Variants in PPP2R3B observed in about 807,000 individuals in gnomAD.
The protein encoded by PPP2R3B is serine/threonine-protein phosphatase 2A regulatory subunit B'' subunit beta.
Under a neutral mutation model 72.9 loss-of-function variants are expected in PPP2R3B, and 68 were observed. The ratio of observed to expected loss-of-function variants is 0.93; its 90% CI spans 0.77 to 1.14. The LOEUF (loss-of-function observed/expected upper bound fraction) is 1.14, where lower values mean the gene tolerates loss of function less well. Among genes scored for constraint, PPP2R3B ranks in the 50% most tolerant of loss-of-function variants. The pLI is 0.00. For missense variants in PPP2R3B, 1,018 were observed against 842.0 expected (o/e 1.21, Z -2.59); for synonymous variants, 466 against 375.8 (o/e 1.24, Z -2.78).
chrX:337,860 G>T lies in PPP2R3B; in HGVS notation c.1577+744C>A, dbSNP rs2738384. On this transcript the variant is annotated intron_variant, in intron 12 of 12. Coordinates refer to ENST00000390665, the MANE Select transcript of PPP2R3B (RefSeq NM_013239.5). ...GACAGTCGGACACCCGGACACCCAC[G>T]TACCACAAGGGGAACCTCAATCCGA... 14 of 152,888 alleles carry T rather than the reference G, an allele frequency of 9.2e-5. 1 individual carries two copies. Among genetic ancestry groups the T allele is most frequent in the African/African-American group, 2.9e-4 (12 of 41,524 alleles). 9.5% of individuals were successfully genotyped at this position (152,888 alleles called of 1,614,324 possible). A position where few individuals can be genotyped will look rare whatever the true frequency, so the allele number is the denominator to read the frequency against.
intron 1 of PPP2R3B, among the ~76,000 whole-genome samples, chrX:378,546 T>G (rs1209019618): frequency 6.6e-6 from 1 of 152,200 alleles, no homozygotes; most frequent in Non-Finnish European, 1.5e-5. Context: ...CCCAGAATCC[T>G]GTCCTCACCC....
At chrX:352,533 G>A (rs1234038182) in intron 2 of PPP2R3B, among the ~76,000 whole-genome samples, 1 of 151,168 alleles carries the variant, frequency 6.6e-6, no homozygotes, top group South Asian at 2.1e-4. Context: ...TGTGTGGATC[G>A]TCTGCCCACC....
intron 1 of PPP2R3B, among the ~76,000 whole-genome samples, chrX:375,035 C>A (rs949069458): frequency 2.0e-5 from 3 of 152,148 alleles, no homozygotes; most frequent in Admixed American, 2.0e-4. Context: ...ACCTTCCACA[C>A]CACCTCTGAC....
intron 1 of PPP2R3B, among the ~76,000 whole-genome samples, chrX:364,393 G>T (rs2071639850): frequency 6.6e-6 from 1 of 151,640 alleles, no homozygotes; most frequent in Non-Finnish European, 1.5e-5. Flanking sequence ...CCTCAAACCG[G>T]CCGGGCTCGT....
intron 1 of PPP2R3B, among the ~76,000 whole-genome samples, chrX:378,543 T>G (rs1603135863): frequency 6.6e-6 from 1 of 152,254 alleles, no homozygotes; most frequent in Middle Eastern, 3.4e-3. Context: ...TGGCCCAGAA[T>G]CCTGTCCTCA....
intron 2 of PPP2R3B, among the ~76,000 whole-genome samples, chrX:353,095 C>T (rs941893459): frequency 3.9e-5 from 6 of 152,024 alleles, no homozygotes; most frequent in African/African-American, 9.6e-5. Context: ...TGGCAGTGGC[C>T]GGGTGCGGTG....
intron 7 of PPP2R3B, chrX:345,081 A>C: frequency 4.5e-6 from 2 of 446,256 alleles, no homozygotes; most frequent in Non-Finnish European, 8.9e-6. Flanking sequence ...CCGCGGAGGT[A>C]TATGAACGAC....
rs1246736571 is a variant in PPP2R3B at position 357,505 on chromosome X, G to C, written c.510+3900C>G. ...GCTTTACTGAAAGAGATATACGTTA[G>C]TGTGTAGCATGACGGATCAAGAAAG... is the stretch of plus-strand genomic sequence containing the variant. On this transcript the variant is annotated intron_variant, in intron 2 of 12. Transcript: ENST00000390665. 3.4e-4 allele frequency among the ~76,000 whole-genome samples: 52 copies of C among 152,336 alleles called. 1 individual carries two copies. Among genetic ancestry groups the C allele is most frequent in the Non-Finnish European group, 6.0e-4 (41 of 68,032 alleles).
chrX:358,915 C>A (rs987207202), intron 2 of PPP2R3B, among the ~76,000 whole-genome samples: 1 of 140,248 alleles, frequency 7.1e-6, no homozygotes, highest in Non-Finnish European at 1.6e-5. Context: ...TGGGGACGGG[C>A]GCCCTGGCGG....
At chrX:371,259 C>T (rs1202760577) in intron 1 of PPP2R3B, among the ~76,000 whole-genome samples, 3 of 152,012 alleles carry the variant, frequency 2.0e-5, no homozygotes, top group African/African-American at 2.4e-5. Flanking sequence ...CATCGTCACA[C>T]GGGAGCCTCC....
chrX:347,711 G>A lies in PPP2R3B; in HGVS notation c.511-18C>T. On this transcript the variant is annotated intron_variant, in intron 2 of 12. Coordinates refer to ENST00000390665, the MANE Select transcript of PPP2R3B (RefSeq NM_013239.5). ...CCGCAGGCCTGGGGCAGAGAGGGCA[G>A]GAGTGGGCAGTCAGCAGGGCCTGGA... is the stretch of plus-strand genomic sequence containing the variant. 3 of 1,507,060 alleles carry A rather than the reference G, an allele frequency of 2.0e-6. No homozygotes were observed. In the South Asian group the frequency reaches 3.8e-5, roughly 19 times the overall value. 93.4% of individuals were successfully genotyped at this position (1,507,060 alleles called of 1,614,324 possible). A position where few individuals can be genotyped will look rare whatever the true frequency, so the allele number is the denominator to read the frequency against.
At chrX:371,299 C>T (rs1179207412) in intron 1 of PPP2R3B, among the ~76,000 whole-genome samples, 7 of 152,176 alleles carry the variant, frequency 4.6e-5, no homozygotes, top group Non-Finnish European at 8.8e-5. Context: ...ACGTGTAACA[C>T]GCCATCGTCA....
chrX:336,767 A>G (rs6603203), intron 12 of PPP2R3B: 55,860 of 151,868 alleles, frequency 0.37, 11,274 homozygotes, highest in African/African-American at 0.54. Context: ...CACCGCTGAC[A>G]ACAGGAAAAC....
intron 1 of PPP2R3B, among the ~76,000 whole-genome samples, chrX:384,981 T>TCAAAAAAA (rs2072212305): frequency 2.2e-5 from 1 of 45,062 alleles, no homozygotes; most frequent in Non-Finnish European, 3.9e-5. Flanking sequence ...AGAATCTGTC[T>TCAAAAAAA]CAAAAAAAAA....
At chrX:356,251 A>G (rs895625775) in intron 2 of PPP2R3B, among the ~76,000 whole-genome samples, 1 of 152,148 alleles carries the variant, frequency 6.6e-6, no homozygotes, top group East Asian at 1.9e-4. Flanking sequence ...AGTCTTGCTC[A>G]GTCGCCCAGG....
intron 10 of PPP2R3B, among the ~76,000 whole-genome samples, chrX:339,273 G>GGGC (rs1556105579): frequency 1.0e-4 from 1 of 9,596 alleles, no homozygotes; most frequent in Non-Finnish European, 2.9e-4. Flanking sequence ...CCCCATGGCC[G>GGGC]GGGGGGGCAG....
Position 341,601 on chromosome X carries a change from A to AGGAGTGCACCTTT in PPP2R3B, c.1086-206_1086-205insAAAGGTGCACTCC, listed in dbSNP as rs2071078902. 4.5e-6 allele frequency: 3 copies of AGGAGTGCACCTTT among 660,068 alleles called. No individual in the cohort carries two copies. The South Asian group carries it at 5.5e-5, about 12-fold the overall frequency. The allele number at this position is 660,068 out of a possible 1,614,324, so 40.9% of individuals were successfully genotyped here. A position where few individuals can be genotyped will look rare whatever the true frequency, so the allele number is the denominator to read the frequency against. On this transcript the variant is annotated intron_variant, in intron 8 of 12. Transcript: ENST00000390665. ...GTTTTCCCCAGATCCAGGCAGGGTC[A>AGGAGTGCACCTTT]GGAGTGCACCTTCGTTACTGCTCAC...
chrX:345,690 C>G lies in PPP2R3B; in HGVS notation c.880-18G>C, dbSNP rs750870898. The stretch of plus-strand genomic sequence containing the variant: ...GCCACATTCTGCCAAAGGACCCAGG[C>G]GGCCTGAGCGCGGGGCCTCTGCGGG... On this transcript the variant is annotated intron_variant, in intron 6 of 12. Coordinates refer to ENST00000390665, the MANE Select transcript of PPP2R3B (RefSeq NM_013239.5). 6.7e-7 allele frequency: 1 copy of G among 1,498,270 alleles called. No individual in the cohort carries two copies. The highest frequency in any genetic ancestry group is 9.0e-7 in the Non-Finnish European group (1 of 1,107,246). 92.8% of individuals were successfully genotyped at this position (1,498,270 alleles called of 1,614,324 possible).
intron 1 of PPP2R3B, among the ~76,000 whole-genome samples, chrX:378,842 A>G (rs1286960407): frequency 6.6e-6 from 1 of 152,192 alleles, no homozygotes; most frequent in Non-Finnish European, 1.5e-5. Flanking sequence ...GGCAGTGAGA[A>G]CTGAACGCAG....
Sources: gnomAD v4.1 joint callset for allele counts (sites outside exome capture counted in the v4.1 genomes callset) on GRCh38, gnomAD v4.1.1 for gene constraint, MANE v1.5 for transcripts, NCBI Gene and HGNC (gene_info 2026-07-23, HGNC 2026-07-21) for gene names.